Variants in ADGRB2 observed in about 807,000 individuals in gnomAD.
ADGRB2 encodes the protein adhesion G protein-coupled receptor B2.
Under a neutral mutation model 178.7 loss-of-function variants are expected in ADGRB2, and 47 were observed. That is an observed-to-expected ratio of 0.26 (90% CI 0.21 to 0.34). The LOEUF is 0.34. Ranked by LOEUF, ADGRB2 falls within the 10% of genes least tolerant of loss-of-function variation. The pLI is 1.00. For missense variants in ADGRB2, 1,584 were observed against 2,180.8 expected (o/e 0.73, Z 5.45); for synonymous variants, 870 against 912.4 (o/e 0.95, Z 0.84).
Position 31,732,988 on chromosome 1 carries a change from C to A in ADGRB2, c.3608G>T (p.Cys1203Phe). 1 of 1,559,844 alleles carries A rather than the reference C, an allele frequency of 6.4e-7. No homozygotes were observed. The highest frequency in any genetic ancestry group is 1.2e-5 in the South Asian group (1 of 84,678). Residue 1203 changes from cysteine (C) to phenylalanine (F), a missense_variant, in exon 26 of 33, where the codon TGC becomes TTC. By Grantham distance (205) the Cys-to-Phe change is radical. Transcript: ENST00000373658. Reference protein sequence around the residue: ...AQGFVITAVHCFLRREVQDVV... With the variant: ...AQGFVITAVHFFLRREVQDVV... Reference sequence around the variant, plus strand: ...CAGCCCCACCTCTCGGCGCAGGAAGCAGTGCACAGCAGTGATGACAAAGCC... The same window carrying A: ...CAGCCCCACCTCTCGGCGCAGGAAGAAGTGCACAGCAGTGATGACAAAGCC...
rs1297159397 is a variant in ADGRB2, at chr1:31,744,367, A to AGGGACAGC, written c.923-18_923-11dup. ...TCAGCCGCCGGGTCGCCTACGAGAG[A>AGGGACAGC]GGGACAGCGTCGGCGGCAGGGGGCA... On this transcript the variant is annotated splice_polypyrimidine_tract_variant and intron_variant, in intron 5 of 32. Coordinates refer to ENST00000373658, the MANE Select transcript of ADGRB2 (RefSeq NM_001364857.2). This position sits in a 1 kb window ranked among gnomAD's most constrained non-coding sequence, Gnocchi z 6.7. The AGGGACAGC allele has an allele frequency of 6.5e-7, 1 of 1,549,582 alleles. No homozygotes were observed. The highest frequency in any genetic ancestry group is 2.4e-5 in the East Asian group (1 of 40,892).
chr1:31,731,066 C>A lies in ADGRB2; in HGVS notation c.4114G>T (p.Asp1372Tyr). 1 of 1,578,534 alleles carries A rather than the reference C, an allele frequency of 6.3e-7. No homozygotes were observed. The highest frequency in any genetic ancestry group is 8.6e-7 in the Non-Finnish European group (1 of 1,161,900). Residue 1372 changes from aspartate (D) to tyrosine (Y), a missense_variant, in exon 29 of 33, where the codon GAT becomes TAT. Physicochemically the swap from Asp to Tyr is radical, Grantham distance 160. This residue lies in a region of ADGRB2 where 865 missense variants were observed against 1,192.8 expected (regional missense o/e 0.73). Coordinates refer to ENST00000373658, the MANE Select transcript of ADGRB2 (RefSeq NM_001364857.2). ...QPGGGGGGGE[D>Y]APRARPEGTP... is the part of the protein sequence containing the mutation. ...CCCTCCGGCCGGGCCCTGGGGGCAT[C>A]CTCACCACCTCCACCCCCACCGCCA... is the stretch of plus-strand genomic sequence containing the variant.
In ADGRB2 at chr1:31,732,565, C is replaced by T. The variant is rs1267108111; in HGVS notation, c.3672G>A (p.Glu1224=). ...TACACGAGTCAGGGGAGTCTTCGCT[C>T]TCATCAGCCCGGCACACCCCCATCT... ...KCQMGVCRAD[E]SEDSPDSCKN... The change falls in exon 27 of 33, where the codon GAG becomes GAA. Residue 1224 remains glutamate, a synonymous_variant. Transcript: ENST00000373658. 1.9e-6 allele frequency: 3 copies of T among 1,614,178 alleles called. No individual in the cohort carries two copies. The highest frequency in any genetic ancestry group is 2.5e-6 in the Non-Finnish European group (3 of 1,180,026).
chr1:31,730,968 C>A lies in ADGRB2; in HGVS notation c.4212G>T (p.Ser1404=). 1 of 1,564,990 alleles carries A rather than the reference C, an allele frequency of 6.4e-7. No homozygotes were observed. The change falls in exon 29 of 33, where the codon TCG becomes TCT. Residue 1404 remains serine, a synonymous_variant. Coordinates refer to ENST00000373658, the MANE Select transcript of ADGRB2 (RefSeq NM_001364857.2). ...GYPSFLSVDH[S]GLGLGPAYGS... ...CATAGGCAGGGCCCAGCCCCAGGCC[C>A]GAGTGGTCCACGGACAGGAAGCTGG...
At chr1:31,745,789 GGCT>G (rs1646241785) in intron 4 of ADGRB2, among the ~76,000 whole-genome samples, 2 of 152,176 alleles carry the variant, frequency 1.3e-5, no homozygotes, top group African/African-American at 4.8e-5. Flanking sequence ...GACCCACCAG[GGCT>G]GCCTCTTCCT....
chr1:31,731,976 C>A (rs1331128995), intron 28 of ADGRB2, 139 bp downstream of exon 28: 2 of 1,083,388 alleles, frequency 1.8e-6, no homozygotes, highest in Admixed American at 2.1e-5. Flanking sequence ...CGCAGCCTTG[C>A]GTCCAGCTCA....
chr1:31,763,815 C>A (rs1269767503), intron 1 of ADGRB2, 69 bp downstream of exon 1: 1 of 984,884 alleles, frequency 1.0e-6, no homozygotes, highest in Non-Finnish European at 1.2e-6. Context: ...CGGGCCGGTG[C>A]GGAAACTCGG....
rs1265476083 is a variant in ADGRB2 at position 31,740,238 on chromosome 1, C to A, written c.1990-60G>T. ...GCCCCAGGGAACAGGGGGCTTCCCC[C>A]ACTATAGCCACACTTGCCGCCTCTA... On this transcript the variant is annotated intron_variant, in intron 12 of 32. Transcript: ENST00000373658. The surrounding 1 kb of genome is among the most constrained non-coding windows in gnomAD (Gnocchi z 5.9). 9.9e-6 allele frequency: 16 copies of A among 1,610,394 alleles called. No individual in the cohort carries two copies. The Admixed American group carries it at 1.7e-4, about 17-fold the overall frequency.
chr1:31,737,513 G>A lies in ADGRB2; in HGVS notation c.2895C>T (p.Arg965=). The A allele has an allele frequency of 6.2e-7, 1 of 1,614,176 alleles. No homozygotes were observed. Among genetic ancestry groups the A allele is most frequent in the Non-Finnish European group, 8.5e-7 (1 of 1,180,024 alleles). The part of the protein sequence containing the change: ...AAFWRFIKSE[R]SIILLNFCLS... ...GGCAGAAGTTCAGCAAGATGATGGA[G>A]CGTTCAGATTTTATGAACCTGCCGG... Residue 965 remains arginine (R), a synonymous_variant, in exon 20 of 33, where the codon CGC becomes CGT. Coordinates refer to ENST00000373658, the MANE Select transcript of ADGRB2 (RefSeq NM_001364857.2).
chr1:31,737,360 C>T (rs2148927876), intron 20 of ADGRB2, 69 bp downstream of exon 20: 8 of 1,422,016 alleles, frequency 5.6e-6, no homozygotes, highest in Non-Finnish European at 7.9e-6. Flanking sequence ...CAAACACACA[C>T]ACTGCGCTCT....
rs747021792 is a variant in ADGRB2, at chr1:31,739,382, G to T, written c.2421C>A (p.Asp807Glu). ...TCACAAAGTAGGAGGACTCATCAGG[G>T]TCTGCTGGGAGGAGGCGCTGGTGGG... ...GHSHQRLLPA[D>E]PDESSYFVIG... Residue 807 changes from aspartate to glutamate, a missense_variant, in exon 15 of 33, where the codon GAC becomes GAA. Transcript: ENST00000373658. The T allele has an allele frequency of 1.9e-5, 29 of 1,533,524 alleles. No homozygotes were observed. The highest frequency in any genetic ancestry group is 2.1e-5 in the Non-Finnish European group (24 of 1,139,296). 95.0% of individuals were successfully genotyped at this position (1,533,524 alleles called of 1,614,324 possible). A position where few individuals can be genotyped will look rare whatever the true frequency, so the allele number is the denominator to read the frequency against.
intron 29 of ADGRB2, among the ~76,000 whole-genome samples, chr1:31,729,175 A>G (rs1316887682): frequency 6.6e-6 from 1 of 151,992 alleles, no homozygotes; most frequent in Non-Finnish European, 1.5e-5. Flanking sequence ...AGTAAGCTGT[A>G]CTGTACCCAG....
intron 17 of ADGRB2, 130 bp downstream of exon 17, chr1:31,738,457 G>A: frequency 6.5e-7 from 1 of 1,531,404 alleles, no homozygotes; most frequent in Non-Finnish European, 8.9e-7. Context: ...GGGAGTCCCA[G>A]GATACGTTCT....
chr1:31,738,623 G>A lies in ADGRB2; in HGVS notation c.2609C>T (p.Thr870Met), dbSNP rs564745737. 8.3e-5 allele frequency: 133 copies of A among 1,611,852 alleles called. No homozygotes were observed. The highest frequency in any genetic ancestry group is 3.6e-4 in the East Asian group (16 of 44,836). Reference sequence around the variant, plus strand: ...GTCCCAGCTGGCGCAATGGGGATCCGTGGTCCCCTGGGGAGCAAAAGACAT... The same window carrying A: ...GTCCCAGCTGGCGCAATGGGGATCCATGGTCCCCTGGGGAGCAAAAGACAT... Reference protein sequence around the residue: ...VELSYIINGTTDPHCASWDYS... With the variant: ...VELSYIINGTMDPHCASWDYS... The change falls in exon 17 of 33, where the codon ACG (threonine) becomes ATG (methionine). Residue 870 changes from threonine to methionine, a missense_variant. This residue lies in a region of ADGRB2 where 865 missense variants were observed against 1,192.8 expected (regional missense o/e 0.73). Coordinates refer to ENST00000373658, the MANE Select transcript of ADGRB2 (RefSeq NM_001364857.2).
In ADGRB2 at chr1:31,736,678, A is replaced by C. The variant is rs755968306; in HGVS notation, c.3025T>G (p.Ser1009Ala). ...TCGGTAAGCACCCAGCAAAAGGAGG[A>C]GAGAAAGAAGAAGTGCAGGAAGGCA... ...TAAFLHFFFL[S>A]SFCWVLTEAW... is the part of the protein sequence containing the mutation. Residue 1009 changes from serine (S) to alanine (A), a missense_variant, in exon 21 of 33, where the codon TCC (serine) becomes GCC (alanine). This residue lies in a region of ADGRB2 where 865 missense variants were observed against 1,192.8 expected (regional missense o/e 0.73). Coordinates refer to ENST00000373658, the MANE Select transcript of ADGRB2 (RefSeq NM_001364857.2). 1.6e-5 allele frequency: 26 copies of C among 1,613,916 alleles called. No individual in the cohort carries two copies. The highest frequency in any genetic ancestry group is 2.2e-5 in the Non-Finnish European group (26 of 1,179,972).
intron 1 of ADGRB2, among the ~76,000 whole-genome samples, chr1:31,762,971 G>A (rs1277766921): frequency 2.0e-5 from 3 of 152,236 alleles, no homozygotes; most frequent in South Asian, 2.1e-4. Context: ...TCCCCCGGCT[G>A]TGCCCTCGGA....
Position 31,757,182 on chromosome 1 carries a change from G to T in ADGRB2, c.21+19C>A. On this transcript the variant is annotated intron_variant, in intron 3 of 32. Coordinates refer to ENST00000373658, the MANE Select transcript of ADGRB2 (RefSeq NM_001364857.2). The stretch of plus-strand genomic sequence containing the variant: ...TACAAGCATATTCGCCTTGCATTCA[G>T]ATCCAGCCCCAGCCTCACCATCCAA... 1 of 1,614,152 alleles carries T rather than the reference G, an allele frequency of 6.2e-7. No homozygotes were observed. The highest frequency in any genetic ancestry group is 1.1e-5 in the South Asian group (1 of 91,074).
chr1:31,728,176 C>T lies in ADGRB2; in HGVS notation c.4515+6G>A. ...GGGCAGGGGCAGCCACGGGAGGAGC[C>T]CTCACCTTGGCCGTGGACTGGCTGC... On this transcript the variant is annotated splice_donor_region_variant and intron_variant, in intron 31 of 32. Coordinates refer to ENST00000373658, the MANE Select transcript of ADGRB2 (RefSeq NM_001364857.2). This position sits in a 1 kb window ranked among gnomAD's most constrained non-coding sequence, Gnocchi z 6.7. The T allele has an allele frequency of 6.2e-7, 1 of 1,614,104 alleles. No homozygotes were observed. Among genetic ancestry groups the T allele is most frequent in the Non-Finnish European group, 8.5e-7 (1 of 1,180,002 alleles).
chr1:31,736,300 C>A (rs1299343210), intron 22 of ADGRB2, 21 bp downstream of exon 22: 1 of 1,613,216 alleles, frequency 6.2e-7, no homozygotes, highest in South Asian at 1.1e-5. Flanking sequence ...CGCTACCACC[C>A]ACCACGGGAG....
Sources: allele counts gnomAD v4.1 joint callset (sites outside exome capture counted in the v4.1 genomes callset), GRCh38; gene constraint gnomAD v4.1.1; regional missense constraint gnomAD v4.1.1; non-coding constraint Gnocchi (gnomAD v3.1); transcripts MANE v1.5; gene names NCBI Gene and HGNC (gene_info 2026-07-23, HGNC 2026-07-21).